The following ATP2C2 variants were observed in gnomAD, a reference collection of about 807,000 sequenced individuals.
ATP2C2 encodes ATPase secretory pathway Ca2+ transporting 2, also known as calcium-transporting ATPase type 2C member 2.
Under a neutral mutation model 110.8 loss-of-function variants are expected in ATP2C2, and 171 were observed. The ratio of observed to expected loss-of-function variants is 1.54; its 90% confidence interval spans 1.36 to 1.75. The LOEUF (loss-of-function observed/expected upper bound fraction) is 1.75. Among genes scored for constraint, ATP2C2 ranks in the 40% most tolerant of loss-of-function variants. ATP2C2 has a pLI of 0.00. For synonymous variants in ATP2C2, 804 were observed against 508.4 expected (o/e 1.58, Z -7.82); for missense variants, 1,963 against 1,235.0 (o/e 1.59, Z -8.84).
chr16:84,447,719 T>C (rs1030138615), intron 16 of ATP2C2, among the ~76,000 whole-genome samples: 8 of 142,312 alleles, frequency 5.6e-5, no homozygotes, highest in Non-Finnish European at 3.0e-5. Flanking sequence ...ATATTATAAT[T>C]GTATAAGAAT....
At position 84,419,270 on chromosome 16, in the gene ATP2C2, C is replaced by A. The variant is rs540228085; in HGVS notation, c.625-3120C>A. Reference sequence around the variant, plus strand: ...CTGGGGCCATGCTCCTGCAGAGGCTCCAGGGGAGAAGCTGTTTCCTGGCCT... The same window carrying A: ...CTGGGGCCATGCTCCTGCAGAGGCTACAGGGGAGAAGCTGTTTCCTGGCCT... On this transcript the variant is annotated intron_variant, in intron 7 of 26. Coordinates refer to ENST00000262429, the MANE Select transcript of ATP2C2 (RefSeq NM_014861.4). 1.6e-4 allele frequency among the ~76,000 whole-genome samples: 24 copies of A among 150,214 alleles called. No homozygotes were observed. In the East Asian group the frequency reaches 3.7e-3, roughly 23 times the overall value.
chr16:84,450,869 G>GAGTT (rs1158270188), intron 17 of ATP2C2, among the ~76,000 whole-genome samples: 1 of 152,054 alleles, frequency 6.6e-6, no homozygotes, highest in African/African-American at 2.4e-5. Flanking sequence ...ATGACAAGAT[G>GAGTT]AGTTAGCACA....
At chr16:84,447,760 TATAA>T (rs923439459) in intron 16 of ATP2C2, among the ~76,000 whole-genome samples, 7 of 140,522 alleles carry the variant, frequency 5.0e-5, no homozygotes, top group African/African-American at 2.0e-4. Context: ...ATAATATACA[TATAA>T]ATAATATAAT....
At position 84,442,586 on chromosome 16, in the gene ATP2C2, C is replaced by A. The variant is rs1909370389; in HGVS notation, c.1388C>A (p.Ala463Asp). The A allele has an allele frequency of 6.2e-7, 1 of 1,613,948 alleles. No homozygotes were observed. The highest frequency in any genetic ancestry group is 8.5e-7 in the Non-Finnish European group (1 of 1,179,908). The change falls in exon 15 of 27, where the codon GCC becomes GAC. Residue 463 changes from alanine to aspartate, a missense_variant. Ala to Asp is a moderately radical substitution (Grantham distance 126). Transcript: ENST00000262429. ...MGQPTEGALMALAMKMDLSDI... is the reference protein window; with the variant it reads ...MGQPTEGALMDLAMKMDLSDI... ...CAGCCCACCGAGGGTGCATTGATGG[C>A]CCTGGCGATGAAGGTAGGAGGTCCT...
At chr16:84,426,051 TAAAAA>T in intron 11 of ATP2C2, 7 of 358,838 alleles carry the variant, frequency 2.0e-5, no homozygotes, top group South Asian at 4.9e-5. Context: ...CTTGCATTGC[TAAAAA>T]AAAAAAAAAT....
chr16:84,422,736 G>T, intron 9 of ATP2C2, 39 bp downstream of exon 9: 1 of 1,570,202 alleles, frequency 6.4e-7, no homozygotes, highest in Non-Finnish European at 8.6e-7. Context: ...TTTGTAAGCT[G>T]GAGTTTGAGA....
At chr16:84,402,892 G>T (rs1045606110) in intron 2 of ATP2C2, among the ~76,000 whole-genome samples, 5 of 152,150 alleles carry the variant, frequency 3.3e-5, no homozygotes, top group Admixed American at 6.5e-5. Context: ...GTAGAATTCA[G>T]CAGTGAAGCC....
At position 84,398,481 on chromosome 16, in the gene ATP2C2, A is replaced by C. The variant is rs754393531; in HGVS notation, c.100-18A>C. On this transcript the variant is annotated intron_variant, in intron 1 of 26. Transcript: ENST00000262429. ...CAAAAGTTCAATCCGCTAAACAGCAACCCTGCTCTTTTCACAGATTGATGA... is the reference window on the plus strand; with the variant it reads ...CAAAAGTTCAATCCGCTAAACAGCACCCCTGCTCTTTTCACAGATTGATGA... 6.4e-7 allele frequency: 1 copy of C among 1,564,296 alleles called. No individual in the cohort carries two copies. The highest frequency in any genetic ancestry group is 8.7e-7 in the Non-Finnish European group (1 of 1,148,346).
intron 10 of ATP2C2, 99 bp from the exon 11 acceptor site, chr16:84,425,636 G>GC (rs1331489582): frequency 7.6e-7 from 1 of 1,323,716 alleles, no homozygotes; most frequent in African/African-American, 1.5e-5. Context: ...CTCTGTGCAT[G>GC]CATTCCTGTA....
chr16:84,379,694 G>C (rs181281667), intron 1 of ATP2C2, among the ~76,000 whole-genome samples: 2 of 152,210 alleles, frequency 1.3e-5, no homozygotes, highest in African/African-American at 4.8e-5. Flanking sequence ...GCTTCTCTGC[G>C]TGTCTCAGAT....
chr16:84,398,494 C>T lies in ATP2C2; in HGVS notation c.100-5C>T. On this transcript the variant is annotated splice_polypyrimidine_tract_variant and splice_region_variant and intron_variant, in intron 1 of 26. Coordinates refer to ENST00000262429, the MANE Select transcript of ATP2C2 (RefSeq NM_014861.4). ...CGCTAAACAGCAACCCTGCTCTTTT[C>T]ACAGATTGATGAACAGAGTGAGCTG... 2 of 1,595,418 alleles carry T rather than the reference C, an allele frequency of 1.3e-6. No individual in the cohort carries two copies. Among genetic ancestry groups the T allele is most frequent in the Non-Finnish European group, 1.7e-6 (2 of 1,172,164 alleles).
intron 6 of ATP2C2, among the ~76,000 whole-genome samples, chr16:84,412,298 G>GTT (rs1174187383): frequency 1.4e-5 from 1 of 69,156 alleles, no homozygotes; most frequent in Non-Finnish European, 3.4e-5. Flanking sequence ...GTATGTGTGT[G>GTT]TGTGAGCATG....
intron 11 of ATP2C2, among the ~76,000 whole-genome samples, chr16:84,438,579 G>T (rs1159921989): frequency 6.6e-6 from 1 of 152,204 alleles, no homozygotes; most frequent in Non-Finnish European, 1.5e-5. Flanking sequence ...AGAGAGTGGG[G>T]TCGCACCGTA....
chr16:84,445,210 CTT>C (rs373290504), intron 15 of ATP2C2, among the ~76,000 whole-genome samples: 21 of 141,628 alleles, frequency 1.5e-4, no homozygotes, highest in Admixed American at 2.1e-4. Flanking sequence ...GCGTTTTCCT[CTT>C]TTTTTTTTTT....
At chr16:84,390,267 G>C (rs1597745910) in intron 1 of ATP2C2, among the ~76,000 whole-genome samples, 1 of 152,236 alleles carries the variant, frequency 6.6e-6, no homozygotes, top group African/African-American at 2.4e-5. Context: ...GAGGGAGGCT[G>C]TTCGCCCGGA....
rs771963137 is a variant in ATP2C2 at position 84,461,751 on chromosome 16, C to G, written c.2519C>G (p.Thr840Arg). ...EDRASTPRTT[T>R]MTFTCFVFFD... The stretch of plus-strand genomic sequence containing the variant: ...AGAGCAAGCACTCCCCGCACCACGA[C>G]GATGACGTTCACTTGTTTTGTGTTT... Residue 840 changes from threonine (T) to arginine (R), a missense_variant, in exon 25 of 27, where the codon ACG becomes AGG. By Grantham distance (71) the Thr-to-Arg change is moderately conservative (BLOSUM62 -1). Transcript: ENST00000262429. 1.2e-6 allele frequency: 2 copies of G among 1,614,210 alleles called. No individual in the cohort carries two copies. Among genetic ancestry groups the G allele is most frequent in the Admixed American group, 1.7e-5 (1 of 60,030 alleles).
intron 22 of ATP2C2, 41 bp downstream of exon 22, chr16:84,459,229 G>A (rs1238282666): frequency 7.4e-6 from 12 of 1,613,978 alleles, no homozygotes; most frequent in Admixed American, 6.7e-5. Context: ...TAAGCACCAC[G>A]CCTGGCGGGC....
At chr16:84,402,742 C>A (rs1351534970) in intron 2 of ATP2C2, among the ~76,000 whole-genome samples, 2 of 152,044 alleles carry the variant, frequency 1.3e-5, no homozygotes, top group African/African-American at 2.4e-5. Flanking sequence ...GTGATATTGG[C>A]CAGTAGTTTT....
chr16:84,443,335 C>G (rs1046655923), intron 15 of ATP2C2, among the ~76,000 whole-genome samples: 7 of 152,196 alleles, frequency 4.6e-5, no homozygotes, highest in African/African-American at 1.2e-4. Flanking sequence ...TCCTCTTCAG[C>G]CAGAGCTGGG....
Sources: allele counts gnomAD v4.1 joint callset (sites outside exome capture counted in the v4.1 genomes callset), GRCh38; gene constraint gnomAD v4.1.1; transcripts MANE v1.5; gene names NCBI Gene and HGNC (gene_info 2026-07-23, HGNC 2026-07-21).